The following SLC36A2 variants were observed in gnomAD, a reference collection of about 807,000 sequenced individuals.
The protein encoded by SLC36A2 is proton-coupled amino acid transporter 2.
A neutral mutation model predicts 42.7 loss-of-function variants in SLC36A2; 39 were observed. That is an observed-to-expected ratio of 0.91 (90% CI 0.71 to 1.19). The LOEUF is 1.19. SLC36A2 is among the 50% of genes most tolerant of loss of function. SLC36A2 has a pLI of 0.00. For missense variants in SLC36A2, 590 were observed against 613.7 expected (o/e 0.96, Z 0.41); for synonymous variants, 237 against 240.8 (o/e 0.98, Z 0.15).
At position 151,344,274 on chromosome 5, in the gene SLC36A2, GA is replaced by G; in HGVS notation, c.165-8del. On this transcript the variant is annotated splice_region_variant and splice_polypyrimidine_tract_variant and intron_variant, in intron 1 of 9. Coordinates refer to ENST00000335244, the MANE Select transcript of SLC36A2 (RefSeq NM_181776.3). Reference sequence around the variant, plus strand: ...AATCAAGGCCTGGAACACTCTAAAGGAGAGGAAGGAGATGTGAAGTATGGGT... The same window carrying G: ...AATCAAGGCCTGGAACACTCTAAAGGGAGGAAGGAGATGTGAAGTATGGGT... 6.2e-7 allele frequency: 1 copy of G among 1,608,990 alleles called. No homozygotes were observed.
intron 9 of SLC36A2, chr5:151,319,813 A>G (rs368151): frequency 0.66 from 101,184 of 152,454 alleles, 34,561 homozygotes; most frequent in East Asian, 0.98. Context: ...CCTGTACCAC[A>G]GATTGGCATT....
intron 4 of SLC36A2, among the ~76,000 whole-genome samples, chr5:151,340,685 G>A (rs1756319889): frequency 6.6e-6 from 1 of 152,226 alleles, no homozygotes. Context: ...CATTACTGCT[G>A]AAAGGTTCTC....
chr5:151,346,705 C>T lies in SLC36A2; in HGVS notation c.164+592G>A, dbSNP rs11746709. ...GAGCTGCAGCCCTGTAGCTTGGCTT[C>T]CCTCTTTTTTTATGTTTTGGAAGCC... On this transcript the variant is annotated intron_variant, in intron 1 of 9. Coordinates refer to ENST00000335244, the MANE Select transcript of SLC36A2 (RefSeq NM_181776.3). Among the ~76,000 whole-genome samples, 1,133 of 152,254 alleles carry T rather than the reference C, an allele frequency of 7.4e-3. 10 individuals carry two copies. The highest frequency in any genetic ancestry group is 0.012 in the Non-Finnish European group (803 of 68,012).
At chr5:151,319,438 G>T in intron 9 of SLC36A2, 1 of 155,040 alleles carries the variant, frequency 6.4e-6, no homozygotes, top group South Asian at 1.8e-4. Context: ...CAGTCTCAGG[G>T]GATCCAGCAG....
chr5:151,335,582 T>A, intron 5 of SLC36A2, 35 bp from the exon 6 acceptor site: 1 of 1,452,362 alleles, frequency 6.9e-7, no homozygotes. Context: ...AAGGGGGAGA[T>A]GATGAGTCTT....
intron 9 of SLC36A2, among the ~76,000 whole-genome samples, chr5:151,318,798 T>C: frequency 6.6e-6 from 1 of 152,158 alleles, no homozygotes; most frequent in South Asian, 2.1e-4. Flanking sequence ...TTTATACACA[T>C]GTCAGAAAAC....
At chr5:151,344,114 C>T in intron 2 of SLC36A2, 63 bp downstream of exon 2, 3 of 1,482,504 alleles carry the variant, frequency 2.0e-6, no homozygotes, top group Non-Finnish European at 2.8e-6. Flanking sequence ...ACCGCTAGAG[C>T]CTCTCCTCTT....
intron 4 of SLC36A2, among the ~76,000 whole-genome samples, chr5:151,339,609 C>A (rs767235081): frequency 2.0e-5 from 3 of 152,210 alleles, no homozygotes; most frequent in Admixed American, 6.5e-5. Context: ...CATGCCCGGC[C>A]AACAATAGTT....
Position 151,317,069 on chromosome 5 carries a change from G to A in SLC36A2, c.1200C>T (p.Ile400=). ...GGGAGATGACCAGGTCCAGGCGGGG[G>A]ATGAGGATGGCCAGGAGGCCTGCAG... ...VCLTCLLAIL[I]PRLDLVISLV... The change falls in exon 10 of 10, where the codon ATC becomes ATT. Residue 400 remains isoleucine (I), a synonymous_variant. Coordinates refer to ENST00000335244, the MANE Select transcript of SLC36A2 (RefSeq NM_181776.3). The A allele has an allele frequency of 6.2e-7, 1 of 1,614,082 alleles. No homozygotes were observed. Among genetic ancestry groups the A allele is most frequent in the Non-Finnish European group, 8.5e-7 (1 of 1,180,008 alleles).
chr5:151,320,839 A>C (rs1425663171), intron 9 of SLC36A2, among the ~76,000 whole-genome samples: 1 of 152,228 alleles, frequency 6.6e-6, no homozygotes, highest in Non-Finnish European at 1.5e-5. Flanking sequence ...TTTATACAAC[A>C]TTGTGAGGTT....
chr5:151,341,395 C>G (rs530008279), intron 4 of SLC36A2, among the ~76,000 whole-genome samples: 2 of 152,222 alleles, frequency 1.3e-5, no homozygotes, highest in Admixed American at 1.3e-4. Context: ...CCCATGATAC[C>G]ATACAGACTA....
In SLC36A2 at chr5:151,333,206, C is replaced by T. The variant is rs77349378; in HGVS notation, c.843+18G>A. Reference sequence around the variant, plus strand: ...CTCACAAGCACTAGGGATAAGGCCACCTCAATTCAAACCTTACCACACCAA... The same window carrying T: ...CTCACAAGCACTAGGGATAAGGCCATCTCAATTCAAACCTTACCACACCAA... On this transcript the variant is annotated intron_variant, in intron 7 of 9. Transcript: ENST00000335244. 17,235 of 1,607,242 alleles carry T rather than the reference C, an allele frequency of 0.011. 124 individuals carry two copies. The highest frequency in any genetic ancestry group is 0.012 in the Non-Finnish European group (13,830 of 1,173,926).
intron 1 of SLC36A2, among the ~76,000 whole-genome samples, chr5:151,344,944 C>G (rs1756451898): frequency 6.6e-6 from 1 of 152,110 alleles, no homozygotes; most frequent in Non-Finnish European, 1.5e-5. Context: ...GGGGCATAAC[C>G]ATTCAGGGAT....
chr5:151,335,496 C>T lies in SLC36A2; in HGVS notation c.577G>A (p.Val193Met), dbSNP rs771440726. The stretch of plus-strand genomic sequence containing the variant: ...GAGTCCATGGTGGGGGTCAGAATCA[C>T]CGTCTCATTGGAATAGCAGTTGTTG... Reference protein sequence around the residue: ...TTNNCYSNETVILTPTMDSRL... With the variant: ...TTNNCYSNETMILTPTMDSRL... Residue 193 changes from valine (V) to methionine (M), a missense_variant, in exon 6 of 10, where the codon GTG (valine) becomes ATG (methionine). By Grantham distance (21) the Val-to-Met change is conservative. Coordinates refer to ENST00000335244, the MANE Select transcript of SLC36A2 (RefSeq NM_181776.3). 11 of 1,613,954 alleles carry T rather than the reference C, an allele frequency of 6.8e-6. No homozygotes were observed. In the East Asian group the frequency reaches 2.5e-4, roughly 36 times the overall value.
rs773704140 is a variant in SLC36A2, at chr5:151,335,488, C to A, written c.585G>T (p.Leu195=). ...NNCYSNETVI[L]TPTMDSRLYM... ...AGAGTCGCGAGTCCATGGTGGGGGT[C>A]AGAATCACCGTCTCATTGGAATAGC... Residue 195 remains leucine (L), a synonymous_variant, in exon 6 of 10, where the codon CTG becomes CTT. Transcript: ENST00000335244. 1 of 1,614,094 alleles carries A rather than the reference C, an allele frequency of 6.2e-7. No homozygotes were observed. Among genetic ancestry groups the A allele is most frequent in the South Asian group, 1.1e-5 (1 of 91,070 alleles).
At chr5:151,324,006 C>A (rs1206812868) in intron 8 of SLC36A2, among the ~76,000 whole-genome samples, 1 of 152,184 alleles carries the variant, frequency 6.6e-6, no homozygotes, top group Non-Finnish European at 1.5e-5. Context: ...GGGAGAAAAT[C>A]CCGCACAGTG....
chr5:151,335,269 T>C, intron 6 of SLC36A2, 60 bp downstream of exon 6: 5 of 1,350,102 alleles, frequency 3.7e-6, no homozygotes, highest in Non-Finnish European at 5.2e-6. Context: ...TAAAGCTCAG[T>C]CTATCCTTGA....
intron 9 of SLC36A2, chr5:151,319,472 ACT>A (rs1755620072): frequency 6.4e-6 from 1 of 155,052 alleles, no homozygotes; most frequent in African/African-American, 2.4e-5. Context: ...AGATGCAGCC[ACT>A]GAGAAGGTGT....
chr5:151,344,091 C>T, intron 2 of SLC36A2, 86 bp downstream of exon 2: 1 of 1,250,214 alleles, frequency 8.0e-7, no homozygotes, highest in Non-Finnish European at 1.2e-6. Flanking sequence ...GACTGCTCAC[C>T]ACAGGTTGCT....
Sources: allele counts gnomAD v4.1 joint callset (sites outside exome capture counted in the v4.1 genomes callset), GRCh38; gene constraint gnomAD v4.1.1; transcripts MANE v1.5; gene names NCBI Gene and HGNC (gene_info 2026-07-23, HGNC 2026-07-21).